Variants in ITGA9 observed in about 807,000 individuals in gnomAD.
ITGA9 encodes the protein integrin subunit alpha 9.
ITGA9 carries 56 observed loss-of-function variants against 127.8 expected under a neutral mutation model. That is an observed-to-expected ratio of 0.44 (90% CI 0.35 to 0.55). The LOEUF is 0.55. Ranked by LOEUF, ITGA9 falls within the 20% of genes least tolerant of loss-of-function variation. The pLI is 0.00. For synonymous variants in ITGA9, 508 were observed against 514.5 expected, an observed-to-expected ratio of 0.99 and a Z score of 0.17; for missense variants, 1,196 against 1,347.1, an observed-to-expected ratio of 0.89 and a Z score of 1.76.
intron 20 of ITGA9, 148 bp from the exon 21 acceptor site, chr3:37,741,582 G>T (rs1034369763): frequency 4.3e-6 from 3 of 704,160 alleles, no homozygotes; most frequent in African/African-American, 3.5e-5. Flanking sequence ...TGATAGATAT[G>T]TACAGGGACC....
At chr3:37,624,586 C>T (rs961056226) in intron 15 of ITGA9, among the ~76,000 whole-genome samples, 5 of 152,044 alleles carry the variant, frequency 3.3e-5, no homozygotes, top group African/African-American at 1.2e-4. Context: ...CTCCCTGCCC[C>T]TGTCAGAGGG....
intron 15 of ITGA9, among the ~76,000 whole-genome samples, chr3:37,577,107 G>A (rs1699661263): frequency 1.3e-5 from 2 of 152,188 alleles, no homozygotes. Context: ...GGTCAGTGGG[G>A]CAGGGAAGAC....
chr3:37,556,484 G>C (rs919363649), intron 15 of ITGA9, among the ~76,000 whole-genome samples: 1 of 152,164 alleles, frequency 6.6e-6, no homozygotes, highest in African/African-American at 2.4e-5. Flanking sequence ...GGCAGCTCTC[G>C]GAGCTGGCAC....
chr3:37,741,964 C>G (rs1696442975), intron 21 of ITGA9, 145 bp downstream of exon 21: 1 of 719,362 alleles, frequency 1.4e-6, no homozygotes, highest in Admixed American at 2.0e-5. Context: ...CAGGATGAAG[C>G]TTTAGCTGCA....
At chr3:37,647,572 T>C (rs1413230107) in intron 16 of ITGA9, among the ~76,000 whole-genome samples, 2 of 152,114 alleles carry the variant, frequency 1.3e-5, no homozygotes, top group Non-Finnish European at 2.9e-5. Context: ...CTAAATTTTT[T>C]CATGCTACCT....
In ITGA9 at chr3:37,470,866, A is replaced by G; in HGVS notation, c.186-141A>G. ...GTTTCACTTTAGGACCTCTCCCCCAAGCCCACACAGAAAAGTATAATAATA... is the reference window on the plus strand; with the variant it reads ...GTTTCACTTTAGGACCTCTCCCCCAGGCCCACACAGAAAAGTATAATAATA... On this transcript the variant is annotated intron_variant, in intron 1 of 27. Coordinates refer to ENST00000264741, the MANE Select transcript of ITGA9 (RefSeq NM_002207.3). The G allele has an allele frequency of 3.6e-6, 3 of 830,062 alleles. No individual in the cohort carries two copies. The South Asian group carries it at 4.3e-5, about 12-fold the overall frequency. The allele number at this position is 830,062 out of a possible 1,614,324, so 51.4% of individuals were successfully genotyped here.
intron 18 of ITGA9, among the ~76,000 whole-genome samples, chr3:37,699,286 C>T (rs945922702): frequency 6.6e-6 from 1 of 152,192 alleles, no homozygotes; most frequent in African/African-American, 2.4e-5. Context: ...TACCAAATTG[C>T]CTGTTTGGCC....
intron 16 of ITGA9, among the ~76,000 whole-genome samples, chr3:37,645,319 A>G (rs1213297022): frequency 6.6e-6 from 1 of 152,212 alleles, no homozygotes; most frequent in Non-Finnish European, 1.5e-5. Flanking sequence ...GTGTAATCCC[A>G]GCAGTTTGGG....
intron 12 of ITGA9, among the ~76,000 whole-genome samples, chr3:37,524,838 A>G (rs1035888518): frequency 7.2e-5 from 11 of 152,248 alleles, no homozygotes; most frequent in African/African-American, 2.7e-4. Context: ...ACAGTTCACA[A>G]TGGATCTGAA....
At chr3:37,804,012 GGAA>G in intron 27 of ITGA9, 70 bp downstream of exon 27, 5 of 1,608,374 alleles carry the variant, frequency 3.1e-6, no homozygotes, top group South Asian at 1.1e-5. Flanking sequence ...GCCTTTCCAG[GGAA>G]GAAGGAGTAT....
chr3:37,489,340 G>A (rs1469341469), intron 4 of ITGA9, among the ~76,000 whole-genome samples: 1 of 152,222 alleles, frequency 6.6e-6, no homozygotes, highest in Non-Finnish European at 1.5e-5. Context: ...CTTGCTCTTG[G>A]GTCCTGATGC....
At chr3:37,598,337 G>C (rs979449066) in intron 15 of ITGA9, among the ~76,000 whole-genome samples, 2 of 152,190 alleles carry the variant, frequency 1.3e-5, no homozygotes, top group African/African-American at 4.8e-5. Context: ...GCTGAAAGGT[G>C]GGCAGAAGCC....
intron 15 of ITGA9, among the ~76,000 whole-genome samples, chr3:37,608,136 T>C (rs558418968): frequency 2.9e-4 from 44 of 152,368 alleles, no homozygotes; most frequent in African/African-American, 9.6e-4. Context: ...GATGGGGGCA[T>C]CTGTGTACTC....
At chr3:37,473,185 T>C (rs1698454701) in intron 2 of ITGA9, among the ~76,000 whole-genome samples, 169 bp from the exon 3 acceptor site, 1 of 149,156 alleles carries the variant, frequency 6.7e-6, no homozygotes, top group Non-Finnish European at 1.5e-5. Flanking sequence ...AGCCTTGCTA[T>C]GTAAAAAAAC....
chr3:37,652,585 T>C (rs1445640165), intron 16 of ITGA9, among the ~76,000 whole-genome samples: 2 of 152,202 alleles, frequency 1.3e-5, no homozygotes, highest in Admixed American at 6.5e-5. Context: ...TCTAGACTGT[T>C]CGTTGGCCAG....
rs1250769219 is a variant in ITGA9, at chr3:37,634,005, A to C, written c.1839+4669A>C. 2.0e-5 allele frequency among the ~76,000 whole-genome samples: 3 copies of C among 152,338 alleles called. No homozygotes were observed. In the East Asian group the frequency reaches 5.8e-4, roughly 29 times the overall value. On this transcript the variant is annotated intron_variant, in intron 16 of 27. Coordinates refer to ENST00000264741, the MANE Select transcript of ITGA9 (RefSeq NM_002207.3). Reference sequence around the variant, plus strand: ...TATGTCATGGTTAAAATATAAAACAAATTAAAATGTGATAAAATAACCAGT... The same window carrying C: ...TATGTCATGGTTAAAATATAAAACACATTAAAATGTGATAAAATAACCAGT...
chr3:37,714,181 A>T (rs537256824), intron 18 of ITGA9, among the ~76,000 whole-genome samples: 2 of 152,218 alleles, frequency 1.3e-5, no homozygotes, highest in Non-Finnish European at 2.9e-5. Flanking sequence ...CAGAGGCTTG[A>T]TATCCTCATC....
chr3:37,616,438 T>G (rs1367632132), intron 15 of ITGA9, among the ~76,000 whole-genome samples: 1 of 152,198 alleles, frequency 6.6e-6, no homozygotes. Flanking sequence ...GAATGTATAT[T>G]CTGTTGATTT....
At chr3:37,645,726 G>A (rs774204437) in intron 16 of ITGA9, among the ~76,000 whole-genome samples, 18 of 152,140 alleles carry the variant, frequency 1.2e-4, no homozygotes, top group Non-Finnish European at 2.4e-4. Flanking sequence ...GTCAATAATT[G>A]TATTTTTTAA....
Sources: allele counts gnomAD v4.1 joint callset (sites outside exome capture counted in the v4.1 genomes callset), GRCh38; gene constraint gnomAD v4.1.1; transcripts MANE v1.5; gene names NCBI Gene and HGNC (gene_info 2026-07-23, HGNC 2026-07-21).